Variants in PLEKHG5 observed in about 807,000 individuals in gnomAD.
PLEKHG5 encodes the protein pleckstrin homology and RhoGEF domain containing G5, also known as pleckstrin homology domain-containing family G member 5.
Under a neutral mutation model 103.8 loss-of-function variants are expected in PLEKHG5, and 52 were observed. That is an observed-to-expected ratio of 0.50 (90% confidence interval 0.40 to 0.63). The LOEUF (loss-of-function observed/expected upper bound fraction) is 0.63. Ranked by LOEUF, PLEKHG5 falls within the 30% of genes least tolerant of loss-of-function variation. The pLI, the probability that PLEKHG5 is intolerant of heterozygous loss-of-function variation, is 0.00. For synonymous variants in PLEKHG5, 592 were observed against 575.5 expected (o/e 1.03, Z -0.41); for missense variants, 1,205 against 1,347.6 (o/e 0.89, Z 1.66).
At chr1:6,497,220 A>G (rs2148628120), upstream of PLEKHG5, 4 of 861,828 alleles carry the variant, frequency 4.6e-6, no homozygotes, top group East Asian at 1.1e-4. This position sits in a 1 kb window ranked among gnomAD's most constrained non-coding sequence, Gnocchi z 6.1. Flanking sequence ...GTCGGCGCCC[A>G]CCCCCTTGCC....
At chr1:6,471,327 C>A in intron 12 of PLEKHG5, 161 bp downstream of exon 12, 2 of 902,260 alleles carry the variant, frequency 2.2e-6, no homozygotes, top group South Asian at 3.3e-5. Flanking sequence ...CAAACCCGGG[C>A]GACCGCCTCG....
In PLEKHG5 at chr1:6,508,956, G is replaced by A. The variant is rs1028853821; in HGVS notation, c.-165+10489C>T. 2.6e-5 allele frequency among the ~76,000 whole-genome samples: 4 copies of A among 152,320 alleles called. No homozygotes were observed. The East Asian group carries it at 7.7e-4, about 29-fold the overall frequency. ...CACTGCTGGCCGCACTGCCCACCCC[G>A]CTCTAGGCCTGGCCCTCCTCACCCA... is the stretch of plus-strand genomic sequence containing the variant. On this transcript the variant is annotated intron_variant, in intron 1 of 21. Coordinates refer to the PLEKHG5 transcript ENST00000377740.
upstream of PLEKHG5, among the ~76,000 whole-genome samples, chr1:6,499,202 G>A (rs1645268601): frequency 6.6e-6 from 1 of 152,292 alleles, no homozygotes; most frequent in East Asian, 1.9e-4. Flanking sequence ...CCCGTATTCT[G>A]AAGGCTCCGG....
chr1:6,473,960 C>G, intron 7 of PLEKHG5, 53 bp downstream of exon 7: 1 of 1,501,880 alleles, frequency 6.7e-7, no homozygotes. Context: ...GGGCTGTGGG[C>G]CCAGCCTGGG....
chr1:6,486,994 G>A lies in PLEKHG5; in HGVS notation c.-88+4643C>T, dbSNP rs940818085. Among the ~76,000 whole-genome samples the A allele has an allele frequency of 3.3e-5, 5 of 152,208 alleles. No individual in the cohort carries two copies. The highest frequency in any genetic ancestry group is 5.9e-5 in the Non-Finnish European group (4 of 68,036). Reference sequence around the variant, plus strand: ...GAGGGTGGGAAGGGGGCCAGGGTCCGTGAGATGGCTTTGGGAGGGCAGCAG... The same window carrying A: ...GAGGGTGGGAAGGGGGCCAGGGTCCATGAGATGGCTTTGGGAGGGCAGCAG... On this transcript the variant is annotated intron_variant, in intron 1 of 20. Coordinates refer to ENST00000377728, the MANE Select transcript of PLEKHG5 (RefSeq NM_020631.6). This position sits in a 1 kb window ranked among gnomAD's most constrained non-coding sequence, Gnocchi z 5.3.
intron 1 of PLEKHG5, among the ~76,000 whole-genome samples, chr1:6,484,814 G>A (rs560727873): frequency 1.3e-5 from 2 of 152,110 alleles, no homozygotes; most frequent in Non-Finnish European, 2.9e-5. Context: ...CCACCCATGG[G>A]AACAGCCAGC....
At chr1:6,508,181 C>T (rs1638375776) in intron 1 of PLEKHG5, among the ~76,000 whole-genome samples, 1 of 48,050 alleles carries the variant, frequency 2.1e-5, no homozygotes. Flanking sequence ...GCAGCGGTCA[C>T]CTGGGGCCCC....
intron 1 of PLEKHG5, among the ~76,000 whole-genome samples, chr1:6,508,604 G>A (rs368344142): frequency 9.8e-5 from 15 of 152,318 alleles, no homozygotes; most frequent in South Asian, 4.2e-4. Context: ...CCTTTTCCTC[G>A]GGTCTGGGGA....
upstream of PLEKHG5, chr1:6,491,826 A>G: frequency 3.7e-6 from 1 of 269,118 alleles, no homozygotes; most frequent in Non-Finnish European, 5.7e-6. This position sits in a 1 kb window ranked among gnomAD's most constrained non-coding sequence, Gnocchi z 4.1. Flanking sequence ...AATCCCCTCT[A>G]CGCTTCCCTT....
At chr1:6,501,205 G>A (rs980672989), upstream of PLEKHG5, among the ~76,000 whole-genome samples, 63 of 152,010 alleles carry the variant, frequency 4.1e-4, 1 homozygote, top group Admixed American at 1.3e-4. The surrounding 1 kb of genome is among the most constrained non-coding windows in gnomAD (Gnocchi z 4.3). Flanking sequence ...CACAGTCCAC[G>A]CCACTCCGTC....
chr1:6,494,318 AT>A (rs1460309765), upstream of PLEKHG5, among the ~76,000 whole-genome samples: 2 of 151,256 alleles, frequency 1.3e-5, no homozygotes, highest in African/African-American at 2.4e-5. Context: ...TATAGTAGAG[AT>A]GGGGTTTCGC....
intron 12 of PLEKHG5, 81 bp downstream of exon 12, chr1:6,471,407 C>A: frequency 1.4e-6 from 2 of 1,465,256 alleles, no homozygotes; most frequent in Non-Finnish European, 9.2e-7. Context: ...GGATGCTGGG[C>A]AGACCGGATC....
chr1:6,469,794 C>G, intron 16 of PLEKHG5, 118 bp from the exon 17 acceptor site: 1 of 876,300 alleles, frequency 1.1e-6, no homozygotes, highest in Non-Finnish European at 1.8e-6. Flanking sequence ...CACCATGAAC[C>G]TTCAAGTAAA....
upstream of PLEKHG5, chr1:6,497,099 G>A (rs931522154): frequency 1.2e-5 from 18 of 1,472,156 alleles, no homozygotes; most frequent in Middle Eastern, 1.7e-4. This position sits in a 1 kb window ranked among gnomAD's most constrained non-coding sequence, Gnocchi z 6.1. Flanking sequence ...ACCGCGGTGG[G>A]GGCAGAGCGG....
At chr1:6,470,401 C>T in intron 15 of PLEKHG5, 46 bp from the exon 16 acceptor site, 1 of 1,613,350 alleles carries the variant, frequency 6.2e-7, no homozygotes, top group Non-Finnish European at 8.5e-7. Flanking sequence ...AGACTGACTC[C>T]CATCTCAGCT....
chr1:6,515,212 C>G (rs1215473280), intron 1 of PLEKHG5, among the ~76,000 whole-genome samples: 2 of 152,146 alleles, frequency 1.3e-5, no homozygotes, highest in African/African-American at 2.4e-5. Context: ...TCAGACCCAC[C>G]TTCCCATTTG....
intron 1 of PLEKHG5, among the ~76,000 whole-genome samples, chr1:6,508,278 A>G (rs1569999257): frequency 6.6e-6 from 1 of 151,872 alleles, no homozygotes; most frequent in South Asian, 2.1e-4. Context: ...GCCGGGCTCC[A>G]CCCTCCATCC....
At chr1:6,519,186 AGATG>A (rs1638707669) in intron 1 of PLEKHG5, among the ~76,000 whole-genome samples, 10 of 152,340 alleles carry the variant, frequency 6.6e-5, no homozygotes, top group Middle Eastern at 3.4e-3. Flanking sequence ...GTCAGGAGTT[AGATG>A]GCTGAGCAGC....
chr1:6,483,327 C>T (rs1249164771), intron 1 of PLEKHG5, among the ~76,000 whole-genome samples: 2 of 152,186 alleles, frequency 1.3e-5, no homozygotes, highest in Non-Finnish European at 2.9e-5. Context: ...CACCAGGTGC[C>T]CCCACTTCTA....
Sources: gnomAD v4.1 joint callset for allele counts (sites outside exome capture counted in the v4.1 genomes callset) on GRCh38, gnomAD v4.1.1 for gene constraint, Gnocchi (gnomAD v3.1) non-coding constraint, MANE v1.5 for transcripts, NCBI Gene and HGNC (gene_info 2026-07-23, HGNC 2026-07-21) for gene names.